The following ANXA2 variants were observed in gnomAD, a reference collection of about 807,000 sequenced individuals.
ANXA2 encodes annexin II.
In ANXA2, 28 loss-of-function variants were observed where a neutral mutation model predicts 47.3. The observed-to-expected ratio is 0.59, with a 90% confidence interval of 0.44 to 0.81. ANXA2 has a LOEUF of 0.81. Among genes scored for constraint, ANXA2 ranks in the 40% least tolerant of loss-of-function variants. The probability of loss-of-function intolerance (pLI) is 0.00; values close to 1 mark genes in which losing one functional copy is unlikely to be tolerated. For missense variants in ANXA2, 384 were observed against 414.3 expected (o/e 0.93, Z 0.64); for synonymous variants, 172 against 155.5 (o/e 1.11, Z -0.79).
intron 1 of ANXA2, among the ~76,000 whole-genome samples, chr15:60,389,670 T>C (rs1450903115): frequency 6.6e-6 from 1 of 152,236 alleles, no homozygotes; most frequent in Non-Finnish European, 1.5e-5. Context: ...CATTTAATCT[T>C]GTCAAAATCA....
At chr15:60,379,639 G>T (rs2062828074) in intron 3 of ANXA2, among the ~76,000 whole-genome samples, 1 of 152,180 alleles carries the variant, frequency 6.6e-6, no homozygotes, top group Non-Finnish European at 1.5e-5. Flanking sequence ...TCCAAGACCT[G>T]GGGATGACAG....
At chr15:60,350,553 G>A (rs1230875276) in intron 11 of ANXA2, among the ~76,000 whole-genome samples, 1 of 152,184 alleles carries the variant, frequency 6.6e-6, no homozygotes, top group Non-Finnish European at 1.5e-5. Context: ...ACAGACAAGG[G>A]AGATGTTCCA....
At chr15:60,369,648 A>C (rs1186645069) in intron 3 of ANXA2, among the ~76,000 whole-genome samples, 1 of 152,246 alleles carries the variant, frequency 6.6e-6, no homozygotes, top group Non-Finnish European at 1.5e-5. Flanking sequence ...CTTAGGCTGC[A>C]CCTGAGAACT....
intron 2 of ANXA2, chr15:60,384,959 A>C (rs1473878539): frequency 6.6e-6 from 1 of 152,256 alleles, no homozygotes; most frequent in African/African-American, 2.4e-5. Context: ...ATGACCTGGA[A>C]GATGTATAGT....
chr15:60,357,818 G>A (rs1412235279), intron 5 of ANXA2, among the ~76,000 whole-genome samples: 2 of 151,716 alleles, frequency 1.3e-5, no homozygotes, highest in East Asian at 3.9e-4. Flanking sequence ...GTAGTGAATA[G>A]GAAGAGGCAG....
chr15:60,393,954 TTC>T (rs2063048097), intron 1 of ANXA2, among the ~76,000 whole-genome samples: 1 of 152,164 alleles, frequency 6.6e-6, no homozygotes, highest in South Asian at 2.1e-4. Context: ...TTCCTCAATT[TTC>T]TCTCTCCCTC....
At chr15:60,358,652 G>C (rs182198545) in intron 5 of ANXA2, among the ~76,000 whole-genome samples, 221 of 152,248 alleles carry the variant, frequency 1.5e-3, no homozygotes, top group Non-Finnish European at 2.6e-3. Flanking sequence ...ATCATGATTT[G>C]TAGAGGTTCC....
At chr15:60,347,751 A>T in intron 12 of ANXA2, 62 bp from the exon 13 acceptor site, 2 of 1,394,686 alleles carry the variant, frequency 1.4e-6, no homozygotes, top group African/African-American at 1.4e-5. Flanking sequence ...CTCCTCAATA[A>T]CACAGAAGTA....
At chr15:60,366,540 G>C (rs1283556019) in intron 3 of ANXA2, among the ~76,000 whole-genome samples, 119 of 148,756 alleles carry the variant, frequency 8.0e-4, no homozygotes, top group Non-Finnish European at 1.3e-3. Context: ...CGGCCGCTCC[G>C]TCTGAGAAGT....
At chr15:60,351,388 C>G in intron 10 of ANXA2, 137 bp from the exon 11 acceptor site, 1 of 858,486 alleles carries the variant, frequency 1.2e-6, no homozygotes, top group Non-Finnish European at 1.9e-6. Context: ...ATAGGACAGG[C>G]TAAGGGAAAT....
chr15:60,393,380 C>T, intron 1 of ANXA2: 1 of 1,002,480 alleles, frequency 1.0e-6, no homozygotes, highest in Non-Finnish European at 1.2e-6. Context: ...GCCTTCAAGT[C>T]TGCAACTCAA....
At chr15:60,393,754 C>T in intron 1 of ANXA2, 1 of 910,032 alleles carries the variant, frequency 1.1e-6, no homozygotes, top group Non-Finnish European at 1.3e-6. Flanking sequence ...ATTAGAGTTA[C>T]ATGTGTAAAG....
chr15:60,385,993 G>C lies in ANXA2; in HGVS notation c.48+35C>G, dbSNP rs773618896. Reference sequence around the variant, plus strand: ...GGTTATCCAGAGAGATGTCCAACTTGCAAAAATTATATAAAGTGAAAGTGA... The same window carrying C: ...GGTTATCCAGAGAGATGTCCAACTTCCAAAAATTATATAAAGTGAAAGTGA... On this transcript the variant is annotated intron_variant, in intron 2 of 12. Coordinates refer to ENST00000451270, the MANE Select transcript of ANXA2 (RefSeq NM_004039.3). 3 of 1,528,178 alleles carry C rather than the reference G, an allele frequency of 2.0e-6. No individual in the cohort carries two copies. The East Asian group carries it at 6.8e-5, about 34-fold the overall frequency. 94.7% of individuals were successfully genotyped at this position (1,528,178 alleles called of 1,614,324 possible).
At chr15:60,390,728 A>T (rs545605920) in intron 1 of ANXA2, 2 of 175,952 alleles carry the variant, frequency 1.1e-5, no homozygotes, top group East Asian at 3.2e-4. Flanking sequence ...TCTTGAGGTT[A>T]TGTCCAAAAA....
At chr15:60,350,666 T>C (rs1268710096) in intron 11 of ANXA2, among the ~76,000 whole-genome samples, 2 of 151,786 alleles carry the variant, frequency 1.3e-5, no homozygotes, top group East Asian at 3.9e-4. Context: ...TAGGGAAGGG[T>C]TGTGGGGCTG....
rs1014723702 is a variant in ANXA2 at position 60,366,215 on chromosome 15, G to A, written c.149-1692C>T. ...GGCTCGCTACAACCACCTCCCAGCC[G>A]CCTGCCTTGGCCTCCCAAAGAGCCC... On this transcript the variant is annotated intron_variant, in intron 3 of 12. Coordinates refer to ENST00000451270, the MANE Select transcript of ANXA2 (RefSeq NM_004039.3). Among the ~76,000 whole-genome samples, 354 of 149,972 alleles carry A rather than the reference G, an allele frequency of 2.4e-3. 1 individual carries two copies. The highest frequency in any genetic ancestry group is 3.9e-3 in the Non-Finnish European group (262 of 67,500).
chr15:60,390,342 C>A, intron 1 of ANXA2: 1 of 836,868 alleles, frequency 1.2e-6, no homozygotes, highest in South Asian at 2.2e-5. Flanking sequence ...TGGCCACTTT[C>A]CTCCCATGCC....
intron 1 of ANXA2, 130 bp downstream of exon 1, chr15:60,397,813 C>T: frequency 7.4e-7 from 1 of 1,346,160 alleles, no homozygotes; most frequent in Non-Finnish European, 9.6e-7. Flanking sequence ...GTCCCTTCAG[C>T]CCCCTGCCCC....
chr15:60,354,665 A>C (rs1346869854), intron 7 of ANXA2, among the ~76,000 whole-genome samples: 2 of 151,922 alleles, frequency 1.3e-5, no homozygotes, highest in African/African-American at 4.8e-5. Context: ...AAGAAAAAGA[A>C]ACCTAGACCA....
Sources: allele counts gnomAD v4.1 joint callset (sites outside exome capture counted in the v4.1 genomes callset), GRCh38; gene constraint gnomAD v4.1.1; transcripts MANE v1.5; gene names NCBI Gene and HGNC (gene_info 2026-07-23, HGNC 2026-07-21).